NECAB2: variants seen among roughly 807,000 people sequenced by gnomAD.
NECAB2 encodes the protein N-terminal EF-hand calcium binding protein 2, also known as N-terminal EF-hand calcium-binding protein 2.
In NECAB2, 68 loss-of-function variants were observed where a neutral mutation model predicts 51.9. The observed-to-expected ratio is 1.31, with a 90% CI of 1.08 to 1.60. The LOEUF is 1.60. Ranked by LOEUF, NECAB2 falls within the 40% of genes most tolerant of loss-of-function variation. The probability of loss-of-function intolerance (pLI) is 0.00; values close to 1 mark genes in which losing one functional copy is unlikely to be tolerated. For synonymous variants in NECAB2, 329 were observed against 203.5 expected (o/e 1.62, Z -5.25); for missense variants, 854 against 490.3 (o/e 1.74, Z -7.00).
chr16:83,989,221 C>A (rs1050429885), intron 5 of NECAB2, among the ~76,000 whole-genome samples: 1 of 152,132 alleles, frequency 6.6e-6, no homozygotes, highest in African/African-American at 2.4e-5. Flanking sequence ...TTGGTCATTG[C>A]CATTTATTCA....
chr16:83,984,681 C>T (rs1413249141), intron 5 of NECAB2, among the ~76,000 whole-genome samples: 1 of 152,050 alleles, frequency 6.6e-6, no homozygotes, highest in Non-Finnish European at 1.5e-5. Context: ...CAGTGAGGCA[C>T]AGCATGCCGC....
chr16:83,991,792 A>C lies in NECAB2; in HGVS notation c.596+1162A>C, dbSNP rs541662697. Reference sequence around the variant, plus strand: ...CTCCCAAGGAGCTGGGACTACAGGCATGTAGTCCCACCCACACCCAGCTAT... The same window carrying C: ...CTCCCAAGGAGCTGGGACTACAGGCCTGTAGTCCCACCCACACCCAGCTAT... On this transcript the variant is annotated intron_variant, in intron 6 of 12. Transcript: ENST00000305202. 3.9e-4 allele frequency among the ~76,000 whole-genome samples: 59 copies of C among 149,568 alleles called. 1 individual carries two copies. The South Asian group carries it at 0.012, about 30-fold the overall frequency.
intron 10 of NECAB2, among the ~76,000 whole-genome samples, chr16:83,998,969 GGTCCCCC>G (rs758838232): frequency 2.6e-5 from 4 of 152,148 alleles, no homozygotes; most frequent in Non-Finnish European, 5.9e-5. Context: ...TGCTGGTAGT[GGTCCCCC>G]GCCCCCCGTT....
intron 10 of NECAB2, among the ~76,000 whole-genome samples, chr16:83,998,588 GC>G (rs1189707494): frequency 6.6e-6 from 1 of 152,198 alleles, no homozygotes; most frequent in African/African-American, 2.4e-5. Flanking sequence ...GATCATGAGT[GC>G]ATATACAATC....
chr16:83,986,678 A>G (rs1189948949), intron 5 of NECAB2, among the ~76,000 whole-genome samples: 1 of 136,644 alleles, frequency 7.3e-6, no homozygotes, highest in Non-Finnish European at 1.5e-5. Flanking sequence ...ACTCACGGCA[A>G]ATTTTTTTTT....
intron 5 of NECAB2, among the ~76,000 whole-genome samples, chr16:83,982,362 A>G (rs997979459): frequency 6.6e-6 from 1 of 152,202 alleles, no homozygotes; most frequent in Admixed American, 6.5e-5. Context: ...TTTTAATACC[A>G]TGTAAGACCT....
chr16:84,002,219 C>G, intron 12 of NECAB2, 99 bp from the exon 13 acceptor site: 1 of 1,462,524 alleles, frequency 6.8e-7, no homozygotes, highest in East Asian at 2.3e-5. Context: ...CACAAGGACT[C>G]AAAGCCATCC....
At position 84,000,768 on chromosome 16, in the gene NECAB2, A is replaced by T. The variant is rs1295329831; in HGVS notation, c.1007A>T (p.Tyr336Phe). 39 of 1,613,706 alleles carry T rather than the reference A, an allele frequency of 2.4e-5. No individual in the cohort carries two copies. Among genetic ancestry groups the T allele is most frequent in the Non-Finnish European group, 3.2e-5 (38 of 1,179,994 alleles). ...RLSDGFTFVIYEFWETEEAWK... is the reference protein window; with the variant it reads ...RLSDGFTFVIFEFWETEEAWK... ...TCAGATGGCTTCACCTTTGTCATCT[A>T]TGAGTTCTGGGAGACAGAGGAGGCG... is the stretch of plus-strand genomic sequence containing the variant. Residue 336 changes from tyrosine to phenylalanine, a missense_variant, in exon 11 of 13, where the codon TAT becomes TTT. Coordinates refer to ENST00000305202, the MANE Select transcript of NECAB2 (RefSeq NM_019065.3).
At chr16:83,971,885 C>T (rs8060149) in intron 1 of NECAB2, 24,217 of 587,100 alleles carry the variant, frequency 0.041, 1,847 homozygotes, top group African/African-American at 0.25. Context: ...CGTGGGCCTG[C>T]GTGTGTGTGT....
At chr16:83,965,883 C>A (rs745713428), upstream of NECAB2, 3 of 1,612,914 alleles carry the variant, frequency 1.9e-6, no homozygotes, top group East Asian at 6.7e-5. Context: ...TACCAGAGCA[C>A]CCGCCAGGAG....
At chr16:83,974,686 C>T (rs1269192005) in intron 2 of NECAB2, among the ~76,000 whole-genome samples, 1 of 152,128 alleles carries the variant, frequency 6.6e-6, no homozygotes, top group Non-Finnish European at 1.5e-5. Flanking sequence ...CGGGGGGCAG[C>T]GGTGCAGGCA....
At chr16:83,969,805 A>G (rs1380674709) in intron 1 of NECAB2, among the ~76,000 whole-genome samples, 1 of 151,798 alleles carries the variant, frequency 6.6e-6, no homozygotes, top group African/African-American at 2.4e-5. Context: ...TGTGTGGTGG[A>G]TTTCTGGGAG....
At chr16:83,965,187 C>G, upstream of NECAB2, 1 of 1,613,214 alleles carries the variant, frequency 6.2e-7, no homozygotes, top group Non-Finnish European at 8.5e-7. Context: ...GAGTGGGGGA[C>G]CCCCGATCCC....
At position 83,984,147 on chromosome 16, in the gene NECAB2, T is replaced by C. The variant is rs373369332; in HGVS notation, c.459+3020T>C. 3.0e-3 allele frequency among the ~76,000 whole-genome samples: 457 copies of C among 151,824 alleles called. 7 individuals carry two copies. Among genetic ancestry groups the C allele is most frequent in the African/African-American group, 0.011 (439 of 41,452 alleles). Reference sequence around the variant, plus strand: ...AGTAGCTGGGACTACAGGCGCCCGCTACTACGCCTGGCTAATTTTTTGTAT... The same window carrying C: ...AGTAGCTGGGACTACAGGCGCCCGCCACTACGCCTGGCTAATTTTTTGTAT... On this transcript the variant is annotated intron_variant, in intron 5 of 12. Coordinates refer to ENST00000305202, the MANE Select transcript of NECAB2 (RefSeq NM_019065.3).
In NECAB2 at chr16:84,002,227, TC is replaced by T. The variant is rs202197411; in HGVS notation, c.1133-86del. 1.5e-5 allele frequency: 23 copies of T among 1,489,160 alleles called. No individual in the cohort carries two copies. In the Middle Eastern group the frequency reaches 8.2e-4, roughly 53 times the overall value. The allele number at this position is 1,489,160 out of a possible 1,614,324, so 92.2% of individuals were successfully genotyped here. On this transcript the variant is annotated intron_variant, in intron 12 of 12. Coordinates refer to ENST00000305202, the MANE Select transcript of NECAB2 (RefSeq NM_019065.3). ...TGTGTCACACAAGGACTCAAAGCCA[TC>T]CCCCGACCTGTCATTCAAGACGACC...
rs1008960397 is a variant in NECAB2 at position 83,989,116 on chromosome 16, C to T, written c.460-1378C>T. On this transcript the variant is annotated intron_variant, in intron 5 of 12. Coordinates refer to ENST00000305202, the MANE Select transcript of NECAB2 (RefSeq NM_019065.3). ...GCTGATCACTTCTAGCAGCCTTTTG[C>T]TTTGTGTTTAAATATTTTACCAAGT... Among the ~76,000 whole-genome samples the T allele has an allele frequency of 7.2e-5, 11 of 152,314 alleles. No homozygotes were observed. In the East Asian group the frequency reaches 1.9e-3, roughly 27 times the overall value.
rs1238663369 is a variant in NECAB2 at position 84,000,813 on chromosome 16, G to T, written c.1040+12G>T. On this transcript the variant is annotated intron_variant, in intron 11 of 12. Coordinates refer to ENST00000305202, the MANE Select transcript of NECAB2 (RefSeq NM_019065.3). Reference sequence around the variant, plus strand: ...GAGGCGTGGAAGAGGTGAGATGCTGGGTCCCCACAGCAGGTGAGGGAGACA... The same window carrying T: ...GAGGCGTGGAAGAGGTGAGATGCTGTGTCCCCACAGCAGGTGAGGGAGACA... 6.2e-7 allele frequency: 1 copy of T among 1,612,282 alleles called. No individual in the cohort carries two copies. The highest frequency in any genetic ancestry group is 1.1e-5 in the South Asian group (1 of 91,036).
In NECAB2 at chr16:83,985,662, G is replaced by A. The variant is rs566105020; in HGVS notation, c.459+4535G>A. ...AAAAAAAAAAAAAATTACTGTTGGC[G>A]TTCCCATAGCAATCACAGATGTTAA... On this transcript the variant is annotated intron_variant, in intron 5 of 12. Coordinates refer to ENST00000305202, the MANE Select transcript of NECAB2 (RefSeq NM_019065.3). Among the ~76,000 whole-genome samples, 10 of 151,732 alleles carry A rather than the reference G, an allele frequency of 6.6e-5. No homozygotes were observed. The South Asian group carries it at 1.5e-3, about 22-fold the overall frequency.
intron 11 of NECAB2, among the ~76,000 whole-genome samples, chr16:84,001,173 A>G (rs1434984853): frequency 6.6e-6 from 1 of 152,106 alleles, no homozygotes; most frequent in Admixed American, 6.5e-5. Context: ...TGTTCCAGCG[A>G]CTAACCTCCC....
Sources: allele counts gnomAD v4.1 joint callset (sites outside exome capture counted in the v4.1 genomes callset), GRCh38; gene constraint gnomAD v4.1.1; transcripts MANE v1.5; gene names NCBI Gene and HGNC (gene_info 2026-07-23, HGNC 2026-07-21).